TRDN: variants seen among roughly 807,000 people sequenced by gnomAD.
TRDN encodes triadin.
TRDN carries 161 observed loss-of-function variants against 149.7 expected under a neutral mutation model. That is an observed-to-expected ratio of 1.08 (90% confidence interval 0.95 to 1.23). The LOEUF (loss-of-function observed/expected upper bound fraction) is 1.23, where lower values mean the gene tolerates loss of function less well. Ranked by LOEUF, TRDN falls within the 50% of genes most tolerant of loss-of-function variation. The probability of loss-of-function intolerance (pLI) is 0.00; values close to 1 mark genes in which losing one functional copy is unlikely to be tolerated. For missense variants in TRDN, 896 were observed against 823.5 expected, an observed-to-expected ratio of 1.09 and a Z score of -1.08; for synonymous variants, 294 against 250.5, an observed-to-expected ratio of 1.17 and a Z score of -1.64.
At chr6:123,513,139 C>T (rs1779256234) in intron 6 of TRDN, among the ~76,000 whole-genome samples, 2 of 152,120 alleles carry the variant, frequency 1.3e-5, no homozygotes, top group South Asian at 2.1e-4. Flanking sequence ...CCTCCTCCTC[C>T]AGAGTTTCAG....
At chr6:123,533,223 G>T (rs1186064841) in intron 4 of TRDN, among the ~76,000 whole-genome samples, 1 of 152,000 alleles carries the variant, frequency 6.6e-6, no homozygotes, top group Non-Finnish European at 1.5e-5. Context: ...CCTTAAAATT[G>T]TCATTTAGAA....
chr6:123,273,434 C>T lies in TRDN; in HGVS notation c.1598-71G>A, dbSNP rs191886587. 8.0e-6 allele frequency: 6 copies of T among 750,526 alleles called. No homozygotes were observed. The Admixed American group carries it at 1.4e-4, about 18-fold the overall frequency. The allele number at this position is 750,526 out of a possible 1,614,324, so 46.5% of individuals were successfully genotyped here. A position where few individuals can be genotyped will look rare whatever the true frequency, so the allele number is the denominator to read the frequency against. On this transcript the variant is annotated intron_variant, in intron 27 of 40. Transcript: ENST00000334268. The stretch of plus-strand genomic sequence containing the variant: ...GAGTATTTAACAATAACAAATACAA[C>T]TGGTTATTGTAAATAGAACTAGGCA...
chr6:123,585,075 G>A (rs1583286314), intron 1 of TRDN, among the ~76,000 whole-genome samples: 1 of 151,634 alleles, frequency 6.6e-6, no homozygotes, highest in Admixed American at 6.6e-5. Flanking sequence ...AGGTTTTAAT[G>A]AGATGGTAAG....
chr6:123,523,767 T>C (rs1186082156), intron 5 of TRDN, among the ~76,000 whole-genome samples: 1 of 152,118 alleles, frequency 6.6e-6, no homozygotes, highest in Non-Finnish European at 1.5e-5. Flanking sequence ...AAGAAGTCTA[T>C]GGCAGGAACT....
At chr6:123,337,909 A>C (rs1779933587) in intron 21 of TRDN, among the ~76,000 whole-genome samples, 1 of 152,192 alleles carries the variant, frequency 6.6e-6, no homozygotes, top group Non-Finnish European at 1.5e-5. Flanking sequence ...ATACAAAAAA[A>C]GGTACATGTA....
At chr6:123,499,437 C>A (rs1009697998) in intron 8 of TRDN, among the ~76,000 whole-genome samples, 17 of 151,684 alleles carry the variant, frequency 1.1e-4, no homozygotes, top group African/African-American at 3.9e-4. Flanking sequence ...TTCAACAAAC[C>A]ACACGCCTGT....
At chr6:123,518,181 GA>G (rs1208989338) in intron 5 of TRDN, among the ~76,000 whole-genome samples, 2 of 151,914 alleles carry the variant, frequency 1.3e-5, no homozygotes, top group African/African-American at 2.4e-5. Context: ...AGAAAAAGGA[GA>G]AAAAAACTCA....
intron 1 of TRDN, among the ~76,000 whole-genome samples, chr6:123,575,907 G>T (rs1270423132): frequency 6.6e-6 from 1 of 151,978 alleles, no homozygotes; most frequent in African/African-American, 2.4e-5. Flanking sequence ...ATCTCTTTCA[G>T]GATGCTCAAG....
At chr6:123,273,682 G>A (rs1777278654) in intron 27 of TRDN, among the ~76,000 whole-genome samples, 1 of 151,964 alleles carries the variant, frequency 6.6e-6, no homozygotes, top group African/African-American at 2.4e-5. Flanking sequence ...CTATATTCAA[G>A]CTTATGATCA....
At chr6:123,220,688 C>T (rs9482364) in intron 40 of TRDN, among the ~76,000 whole-genome samples, 5,173 of 151,752 alleles carry the variant, frequency 0.034, 312 homozygotes, top group African/African-American at 0.12. Context: ...GAGGCATTTG[C>T]TATTGTAAGG....
intron 12 of TRDN, among the ~76,000 whole-genome samples, chr6:123,406,899 G>T (rs1773214509): frequency 6.6e-6 from 1 of 152,054 alleles, no homozygotes; most frequent in Admixed American, 6.6e-5. Context: ...TCCAAGCCTG[G>T]TGGGTTGGCT....
At chr6:123,455,888 T>C (rs1323868789) in intron 10 of TRDN, among the ~76,000 whole-genome samples, 1 of 152,190 alleles carries the variant, frequency 6.6e-6, no homozygotes, top group African/African-American at 2.4e-5. Context: ...TTTTCTGTAA[T>C]TGGAAATGGA....
At chr6:123,389,949 C>A (rs528969616) in intron 13 of TRDN, among the ~76,000 whole-genome samples, 1 of 152,114 alleles carries the variant, frequency 6.6e-6, no homozygotes, top group African/African-American at 2.4e-5. Flanking sequence ...CTGAGTTTGA[C>A]TCAACAGACT....
intron 25 of TRDN, among the ~76,000 whole-genome samples, 164 bp downstream of exon 25, chr6:123,278,892 T>C (rs953574312): frequency 9.2e-5 from 14 of 152,166 alleles, no homozygotes; most frequent in African/African-American, 3.4e-4. Context: ...TTCTCAGAAA[T>C]ACATGTAAGA....
intron 38 of TRDN, among the ~76,000 whole-genome samples, chr6:123,239,118 C>T (rs2114539566): frequency 6.6e-6 from 1 of 152,198 alleles, no homozygotes; most frequent in East Asian, 1.9e-4. Flanking sequence ...GGATTACAGG[C>T]GTGAGCCACT....
chr6:123,327,273 C>G (rs1200739826), intron 23 of TRDN, among the ~76,000 whole-genome samples: 1 of 151,912 alleles, frequency 6.6e-6, no homozygotes, highest in Non-Finnish European at 1.5e-5. Flanking sequence ...TTAATTAAAG[C>G]AATTCTATAA....
At chr6:123,253,350 T>C (rs1488338914) in intron 37 of TRDN, among the ~76,000 whole-genome samples, 2 of 152,078 alleles carry the variant, frequency 1.3e-5, no homozygotes, top group Non-Finnish European at 2.9e-5. Flanking sequence ...CTGTATTACA[T>C]GGTTTATTTT....
intron 1 of TRDN, among the ~76,000 whole-genome samples, chr6:123,635,067 C>T (rs139541172): frequency 1.1e-3 from 168 of 152,020 alleles, no homozygotes; most frequent in African/African-American, 4.0e-3. Flanking sequence ...GTTTAGTCAA[C>T]TGACCTCCTG....
chr6:123,329,144 T>C (rs1779573905), intron 23 of TRDN, among the ~76,000 whole-genome samples: 2 of 152,158 alleles, frequency 1.3e-5, no homozygotes, highest in African/African-American at 4.8e-5. Flanking sequence ...ATCAGAATCT[T>C]TGGTCATGAG....
Sources: allele counts gnomAD v4.1 joint callset (sites outside exome capture counted in the v4.1 genomes callset), GRCh38; gene constraint gnomAD v4.1.1; transcripts MANE v1.5; gene names NCBI Gene and HGNC (gene_info 2026-07-23, HGNC 2026-07-21).